The following CDK6 variants were observed in gnomAD, a reference collection of about 807,000 sequenced individuals.
The protein encoded by CDK6 is cyclin dependent kinase 6, also known as cyclin-dependent kinase 6.
In CDK6, 6 loss-of-function variants were observed where a neutral mutation model predicts 37.1. The observed-to-expected ratio is 0.16, with a 90% CI of 0.09 to 0.32. The LOEUF is 0.32. Among genes scored for constraint, CDK6 ranks in the 10% least tolerant of loss-of-function variants. The probability of loss-of-function intolerance (pLI) is 1.00; values close to 1 mark genes in which losing one functional copy is unlikely to be tolerated. For missense variants in CDK6, 224 were observed against 418.9 expected (o/e 0.53, Z 4.06); for synonymous variants, 160 against 161.3 (o/e 0.99, Z 0.06).
At chr7:92,672,204 C>G (rs1468619500) in intron 4 of CDK6, among the ~76,000 whole-genome samples, 4 of 126,676 alleles carry the variant, frequency 3.2e-5, no homozygotes, top group African/African-American at 1.3e-4. Flanking sequence ...CACACACACA[C>G]ACACACACAC....
At chr7:92,639,732 T>C (rs1049720723) in intron 5 of CDK6, among the ~76,000 whole-genome samples, 7 of 152,178 alleles carry the variant, frequency 4.6e-5, no homozygotes, top group African/African-American at 1.7e-4. Context: ...CCACAGCCTC[T>C]ATTCCTCCTG....
chr7:92,660,979 T>C (rs1422535717), intron 5 of CDK6, among the ~76,000 whole-genome samples: 2 of 152,052 alleles, frequency 1.3e-5, no homozygotes, highest in Admixed American at 6.6e-5. Flanking sequence ...TGTAAACACC[T>C]AGGTTTGGGA....
intron 2 of CDK6, among the ~76,000 whole-genome samples, chr7:92,797,453 CA>C (rs1241957077): frequency 6.6e-6 from 1 of 152,116 alleles, no homozygotes; most frequent in Non-Finnish European, 1.5e-5. Context: ...CTTGGACTCC[CA>C]AACCCTCTAT....
chr7:92,628,324 A>G (rs1471596729), intron 5 of CDK6, among the ~76,000 whole-genome samples: 1 of 151,972 alleles, frequency 6.6e-6, no homozygotes, highest in Non-Finnish European at 1.5e-5. Context: ...CTTGCCATAC[A>G]CTGCACATAT....
rs34132527 is a variant in CDK6 at position 92,823,443 on chromosome 7, TAAAAAA to T, written c.233+9642_233+9647del. On this transcript the variant is annotated intron_variant, in intron 2 of 7. Coordinates refer to ENST00000424848, the MANE Select transcript of CDK6 (RefSeq NM_001145306.2). ...CACTCTTCTTTTGAGTCTTAATATG[TAAAAAA>T]AAAAAAAAAAAAAAAAAAAAAAGTC... Among the ~76,000 whole-genome samples the T allele has an allele frequency of 2.2e-3, 164 of 74,904 alleles. 1 individual carries two copies. Among genetic ancestry groups the T allele is most frequent in the African/African-American group, 7.5e-3 (151 of 20,220 alleles). 49.1% of individuals were successfully genotyped at this position (74,904 alleles called of 152,430 possible).
rs188035523 is a variant in CDK6 at position 92,622,461 on chromosome 7, G to T, written c.698+575C>A. Among the ~76,000 whole-genome samples, 11 of 152,240 alleles carry T rather than the reference G, an allele frequency of 7.2e-5. No homozygotes were observed. The East Asian group carries it at 1.5e-3, about 21-fold the overall frequency. On this transcript the variant is annotated intron_variant, in intron 6 of 7. Coordinates refer to ENST00000424848, the MANE Select transcript of CDK6 (RefSeq NM_001145306.2). ...TTTTAAAGTGCTTACTATGTGCCAGGCACTGTGTAAGCCCTTCACGAGGTG... is the reference window on the plus strand; with the variant it reads ...TTTTAAAGTGCTTACTATGTGCCAGTCACTGTGTAAGCCCTTCACGAGGTG...
At chr7:92,759,581 A>G (rs138979985) in intron 3 of CDK6, among the ~76,000 whole-genome samples, 177 of 151,622 alleles carry the variant, frequency 1.2e-3, no homozygotes, top group African/African-American at 4.0e-3. Context: ...ATGGGTATTT[A>G]TCTTTCTGCA....
chr7:92,718,746 G>A (rs912428441), intron 4 of CDK6, among the ~76,000 whole-genome samples: 1 of 152,136 alleles, frequency 6.6e-6, no homozygotes, highest in African/African-American at 2.4e-5. Flanking sequence ...CTTAGCCTAG[G>A]CAGGTTCTTG....
At chr7:92,617,190 G>A (rs1319276990) in intron 7 of CDK6, among the ~76,000 whole-genome samples, 1 of 152,172 alleles carries the variant, frequency 6.6e-6, no homozygotes, top group Non-Finnish European at 1.5e-5. Context: ...CATGGAACTT[G>A]CTTTGGCCAA....
chr7:92,815,711 A>G (rs1333195496), intron 2 of CDK6, among the ~76,000 whole-genome samples: 2 of 152,224 alleles, frequency 1.3e-5, no homozygotes, highest in African/African-American at 4.8e-5. Flanking sequence ...CAAGGAGGCC[A>G]AAGTGGCTAA....
rs1479181745 is a variant in CDK6, at chr7:92,778,946, T to TATATATATATATATATATAA, written c.234-4116_234-4115insTTATATATATATATATATAT. 3.2e-3 allele frequency among the ~76,000 whole-genome samples: 431 copies of TATATATATATATATATATAA among 134,930 alleles called. 18 individuals are homozygous for TATATATATATATATATATAA. Among genetic ancestry groups the TATATATATATATATATATAA allele is most frequent in the Middle Eastern group, 0.019 (5 of 266 alleles). 88.5% of individuals were successfully genotyped at this position (134,930 alleles called of 152,430 possible). ...TATCATATATATATATATATATATA[T>TATATATATATATATATATAA]AAGATATTATAGTAATTTCCAAAAG... On this transcript the variant is annotated intron_variant, in intron 2 of 7. Transcript: ENST00000424848.
At position 92,618,224 on chromosome 7, in the gene CDK6, C is replaced by T. The variant is rs780648016; in HGVS notation, c.699-17G>A. The T allele has an allele frequency of 2.5e-6, 4 of 1,613,564 alleles. No individual in the cohort carries two copies. The highest frequency in any genetic ancestry group is 2.2e-5 in the South Asian group (2 of 91,030). On this transcript the variant is annotated splice_polypyrimidine_tract_variant and intron_variant, in intron 6 of 7. Coordinates refer to ENST00000424848, the MANE Select transcript of CDK6 (RefSeq NM_001145306.2). ...CCAATCACGCTACAAAAGAACCACA[C>T]ATGGACATAAGCATTAGCTACTATG...
intron 3 of CDK6, among the ~76,000 whole-genome samples, chr7:92,729,699 G>T (rs531490406): frequency 1.1e-4 from 16 of 152,208 alleles, no homozygotes; most frequent in African/African-American, 3.9e-4. Flanking sequence ...ACTAAAAAAC[G>T]ACTTCAGGCT....
intron 4 of CDK6, among the ~76,000 whole-genome samples, chr7:92,711,648 A>G (rs2116681531): frequency 7.2e-6 from 1 of 139,810 alleles, no homozygotes; most frequent in East Asian, 2.2e-4. Context: ...GCTCACTGCA[A>G]CCTCTACCTC....
intron 3 of CDK6, among the ~76,000 whole-genome samples, chr7:92,749,192 CTG>C (rs1184322255): frequency 7.0e-6 from 1 of 142,474 alleles, no homozygotes; most frequent in East Asian, 2.0e-4. Flanking sequence ...GAGGGAGACT[CTG>C]CCTAAAAAAA....
At chr7:92,654,082 T>C (rs187298797) in intron 5 of CDK6, among the ~76,000 whole-genome samples, 3 of 152,316 alleles carry the variant, frequency 2.0e-5, no homozygotes. Flanking sequence ...TTTTACTGCT[T>C]CCTATCAGAT....
intron 2 of CDK6, among the ~76,000 whole-genome samples, chr7:92,831,155 A>G (rs1044523037): frequency 5.3e-5 from 8 of 152,240 alleles, no homozygotes; most frequent in African/African-American, 1.9e-4. Flanking sequence ...TGAAATTCAC[A>G]GTACAGAATC....
At chr7:92,792,037 T>C (rs905133113) in intron 2 of CDK6, among the ~76,000 whole-genome samples, 3 of 152,118 alleles carry the variant, frequency 2.0e-5, no homozygotes, top group African/African-American at 7.2e-5. Context: ...CACTTGGAAA[T>C]ACTACTCTGG....
At chr7:92,814,972 C>T (rs1358822492) in intron 2 of CDK6, among the ~76,000 whole-genome samples, 2 of 151,980 alleles carry the variant, frequency 1.3e-5, no homozygotes, top group African/African-American at 4.8e-5. Flanking sequence ...CAGTGACATG[C>T]TCAAATATTT....
Sources: gnomAD v4.1 joint callset for allele counts (sites outside exome capture counted in the v4.1 genomes callset) on GRCh38, gnomAD v4.1.1 for gene constraint, MANE v1.5 for transcripts, NCBI Gene and HGNC (gene_info 2026-07-23, HGNC 2026-07-21) for gene names.